Variants in NEK7 observed in about 807,000 individuals in gnomAD.
NEK7 encodes NIMA related kinase 7, also known as serine/threonine-protein kinase Nek7.
In NEK7, 18 loss-of-function variants were observed where a neutral mutation model predicts 44.6. That is an observed-to-expected ratio of 0.40 (90% CI 0.28 to 0.60). The LOEUF (loss-of-function observed/expected upper bound fraction) is 0.60, where lower values mean the gene tolerates loss of function less well. NEK7 is among the 20% of genes least tolerant of loss of function. The pLI, the probability that NEK7 is intolerant of heterozygous loss-of-function variation, is 0.38. For missense variants in NEK7, 256 were observed against 366.5 expected (o/e 0.70, Z 2.46); for synonymous variants, 130 against 121.1 (o/e 1.07, Z -0.48).
intron 2 of NEK7, among the ~76,000 whole-genome samples, chr1:198,235,864 G>A (rs564992988): frequency 3.3e-5 from 5 of 152,100 alleles, no homozygotes; most frequent in Non-Finnish European, 7.4e-5. Context: ...GAAAAGACAT[G>A]TCACTCAGAT....
At chr1:198,207,186 A>G (rs1029543271) in intron 1 of NEK7, 1 of 152,192 alleles carries the variant, frequency 6.6e-6, no homozygotes, top group Non-Finnish European at 1.5e-5. Context: ...AAGCAATAAA[A>G]TAATGAGTGA....
chr1:198,159,877 G>C (rs1664048380), intron 1 of NEK7, among the ~76,000 whole-genome samples: 1 of 152,186 alleles, frequency 6.6e-6, no homozygotes, highest in Non-Finnish European at 1.5e-5. Flanking sequence ...GCATCGTAAT[G>C]ACCAGAAGTC....
At chr1:198,241,212 T>C (rs1431212302) in intron 2 of NEK7, among the ~76,000 whole-genome samples, 1 of 152,228 alleles carries the variant, frequency 6.6e-6, no homozygotes, top group Non-Finnish European at 1.5e-5. Flanking sequence ...TGTCTTCCTT[T>C]ATATTGTTAC....
rs543684020 is a variant in NEK7, at chr1:198,193,359, C to T, written c.-29+36083C>T. Among the ~76,000 whole-genome samples, 7 of 152,242 alleles carry T rather than the reference C, an allele frequency of 4.6e-5. No individual in the cohort carries two copies. The East Asian group carries it at 9.6e-4, about 21-fold the overall frequency. On this transcript the variant is annotated intron_variant, in intron 1 of 9. Transcript: ENST00000367385. Reference sequence around the variant, plus strand: ...AAAAGCCCAGGACCAGACAGATATACAGCTGAAATCTATGGGAGGTACAAA... The same window carrying T: ...AAAAGCCCAGGACCAGACAGATATATAGCTGAAATCTATGGGAGGTACAAA...
intron 3 of NEK7, among the ~76,000 whole-genome samples, chr1:198,253,604 A>G (rs1044649925): frequency 6.6e-6 from 1 of 152,180 alleles, no homozygotes; most frequent in African/African-American, 2.4e-5. Context: ...ATGAAAGGAA[A>G]ATGAAGTGAA....
At chr1:198,295,766 G>T (rs1558099500) in intron 8 of NEK7, among the ~76,000 whole-genome samples, 2 of 150,840 alleles carry the variant, frequency 1.3e-5, no homozygotes, top group Non-Finnish European at 3.0e-5. Flanking sequence ...TATTTTTAAG[G>T]TAAGATCTTA....
intron 1 of NEK7, among the ~76,000 whole-genome samples, chr1:198,213,848 C>T (rs1234041725): frequency 1.3e-5 from 2 of 152,170 alleles, no homozygotes; most frequent in Non-Finnish European, 2.9e-5. Flanking sequence ...TAGCTACAGG[C>T]AGTTTTACCC....
chr1:198,200,451 A>G (rs1404088635), intron 1 of NEK7, among the ~76,000 whole-genome samples: 2 of 152,092 alleles, frequency 1.3e-5, no homozygotes, highest in African/African-American at 4.8e-5. Flanking sequence ...TTATGAGCAT[A>G]TCTGCTTTAA....
At chr1:198,252,327 G>C (rs968692448) in intron 2 of NEK7, among the ~76,000 whole-genome samples, 1 of 151,410 alleles carries the variant, frequency 6.6e-6, no homozygotes, top group Non-Finnish European at 1.5e-5. Context: ...GGTGTGGTGT[G>C]GTGCTGAAAA....
At chr1:198,281,997 C>G (rs1036991623) in intron 7 of NEK7, among the ~76,000 whole-genome samples, 2 of 152,012 alleles carry the variant, frequency 1.3e-5, no homozygotes, top group African/African-American at 4.8e-5. Context: ...AATACTAAAT[C>G]TGATATTGCT....
intron 9 of NEK7, among the ~76,000 whole-genome samples, chr1:198,299,639 A>T (rs1011436716): frequency 6.6e-6 from 1 of 152,184 alleles, no homozygotes; most frequent in Non-Finnish European, 1.5e-5. Context: ...AAGCAAATCA[A>T]CTTATCAGGT....
intron 2 of NEK7, among the ~76,000 whole-genome samples, chr1:198,241,565 C>A (rs1299555919): frequency 6.6e-6 from 1 of 152,094 alleles, no homozygotes; most frequent in East Asian, 1.9e-4. Flanking sequence ...GAGGATGATA[C>A]CCTGTGGTGT....
chr1:198,203,211 A>G (rs566547498), intron 1 of NEK7, among the ~76,000 whole-genome samples: 1 of 152,332 alleles, frequency 6.6e-6, no homozygotes, highest in East Asian at 1.9e-4. Flanking sequence ...CACATTAGTT[A>G]CAGTTAATAT....
Position 198,253,180 on chromosome 1 carries a change from G to C in NEK7, c.198G>C (p.Gln66His). ...TACCAGTAGCTTTAAAAAAAGTGCAGGTAAGATGACTTTAATTATATAAAT... is the reference window on the plus strand; with the variant it reads ...TACCAGTAGCTTTAAAAAAAGTGCACGTAAGATGACTTTAATTATATAAAT... ...DGVPVALKKV[Q>H]IFDLMDAKAR... Residue 66 changes from glutamine (Q) to histidine (H), a missense_variant and splice_region_variant, in exon 3 of 10, where the codon CAG (glutamine) becomes CAC (histidine). Gln to His is a conservative substitution (Grantham distance 24). This residue lies in a region of NEK7 where 96 missense variants were observed against 94.9 expected (regional missense o/e 1.01). Transcript: ENST00000367385. The C allele has an allele frequency of 6.3e-7, 1 of 1,586,634 alleles. No individual in the cohort carries two copies. Among genetic ancestry groups the C allele is most frequent in the Non-Finnish European group, 8.6e-7 (1 of 1,163,284 alleles).
intron 2 of NEK7, among the ~76,000 whole-genome samples, chr1:198,250,761 C>A (rs1652922783): frequency 6.9e-6 from 1 of 144,562 alleles, no homozygotes; most frequent in African/African-American, 2.6e-5. Context: ...AGTTGCTTAT[C>A]AGCTTAAGGA....
intron 5 of NEK7, among the ~76,000 whole-genome samples, chr1:198,274,917 A>G (rs575008376): frequency 2.0e-5 from 3 of 151,892 alleles, no homozygotes; most frequent in East Asian, 3.9e-4. Flanking sequence ...CCCTTTTTAT[A>G]TTAATATAAA....
chr1:198,257,696 ATTAAT>A (rs1653315309), intron 3 of NEK7, among the ~76,000 whole-genome samples: 1 of 152,212 alleles, frequency 6.6e-6, no homozygotes, highest in Admixed American at 6.5e-5. Flanking sequence ...AATTTGGTAA[ATTAAT>A]GTTAGTTTTT....
At chr1:198,181,990 A>G (rs1296554034) in intron 1 of NEK7, among the ~76,000 whole-genome samples, 1 of 152,068 alleles carries the variant, frequency 6.6e-6, no homozygotes, top group Admixed American at 6.6e-5. Context: ...TGATATATAT[A>G]TATAATTTTA....
intron 2 of NEK7, among the ~76,000 whole-genome samples, chr1:198,251,285 T>C (rs1652959703): frequency 6.6e-6 from 1 of 151,820 alleles, no homozygotes. Flanking sequence ...TGTCAGTATT[T>C]TATTGAGGAT....
Sources: gnomAD v4.1 joint callset for allele counts (sites outside exome capture counted in the v4.1 genomes callset) on GRCh38, gnomAD v4.1.1 for gene constraint, gnomAD v4.1.1 regional missense constraint, MANE v1.5 for transcripts, NCBI Gene and HGNC (gene_info 2026-07-23, HGNC 2026-07-21) for gene names.